Variants in RSPO2 observed in about 807,000 individuals in gnomAD.
The protein encoded by RSPO2 is R-spondin-2.
Under a neutral mutation model 30.9 loss-of-function variants are expected in RSPO2, and 14 were observed. The observed-to-expected ratio is 0.45, with a 90% CI of 0.30 to 0.71. The LOEUF is 0.71. Ranked by LOEUF, RSPO2 falls within the 30% of genes least tolerant of loss-of-function variation. RSPO2 has a pLI of 0.08. For missense variants in RSPO2, 264 were observed against 301.9 expected, an observed-to-expected ratio of 0.87 and a Z score of 0.93; for synonymous variants, 107 against 96.4, an observed-to-expected ratio of 1.11 and a Z score of -0.64.
chr8:107,915,735 G>A (rs1007543013), intron 5 of RSPO2, among the ~76,000 whole-genome samples: 1 of 152,084 alleles, frequency 6.6e-6, no homozygotes, highest in Non-Finnish European at 1.5e-5. Flanking sequence ...GCCTGTCTTG[G>A]GACGACTATC....
Position 107,958,195 on chromosome 8 carries a change from C to T in RSPO2, c.501G>A (p.Trp167Ter). Residue 167 changes from tryptophan (W) to a stop codon, truncating the protein, a stop_gained, in exon 5 of 6, where the codon TGG (tryptophan) becomes TGA (stop). Transcript: ENST00000276659. LOFTEE classifies it high-confidence loss of function. ...TTTGCCGTGTTCTGGTTTCCAGACC[C>T]CATTTAAATCCACATGTGCGATTAT... ...SRNNRTCGFK[W>*]GLETRTRQIV... The T allele has an allele frequency of 1.2e-6, 2 of 1,613,706 alleles. No homozygotes were observed. Among genetic ancestry groups the T allele is most frequent in the Non-Finnish European group, 1.7e-6 (2 of 1,179,720 alleles).
chr8:107,967,389 A>G (rs1215567884), intron 3 of RSPO2, among the ~76,000 whole-genome samples: 1 of 152,198 alleles, frequency 6.6e-6, no homozygotes, highest in Admixed American at 6.5e-5. Flanking sequence ...TATCAAAATC[A>G]TGCATTTCTA....
At chr8:107,911,695 G>A (rs576880174) in intron 5 of RSPO2, among the ~76,000 whole-genome samples, 4 of 152,114 alleles carry the variant, frequency 2.6e-5, no homozygotes, top group East Asian at 1.9e-4. Context: ...CTATTTTGCC[G>A]ATGAGGAAAT....
chr8:107,977,767 G>C (rs996065783), intron 3 of RSPO2, among the ~76,000 whole-genome samples: 4 of 152,058 alleles, frequency 2.6e-5, no homozygotes, highest in African/African-American at 9.7e-5. Flanking sequence ...AGATGATGTA[G>C]CAGTTTCACT....
At chr8:107,984,612 CAG>C (rs1814563883) in intron 3 of RSPO2, among the ~76,000 whole-genome samples, 1 of 152,126 alleles carries the variant, frequency 6.6e-6, no homozygotes, top group Non-Finnish European at 1.5e-5. Flanking sequence ...CATAATTAAT[CAG>C]GGTGCGTTTC....
intron 2 of RSPO2, among the ~76,000 whole-genome samples, chr8:108,071,091 C>T (rs1384777215): frequency 6.6e-6 from 1 of 152,124 alleles, no homozygotes; most frequent in Admixed American, 6.5e-5. Context: ...GCCTCCTGAA[C>T]AGTTATTCAT....
chr8:108,012,267 A>G (rs2130589138), intron 2 of RSPO2, among the ~76,000 whole-genome samples: 1 of 152,328 alleles, frequency 6.6e-6, no homozygotes, highest in Non-Finnish European at 1.5e-5. Flanking sequence ...TCAAACCTGC[A>G]GCATCAGCAT....
At chr8:108,056,675 A>G (rs1008317985) in intron 2 of RSPO2, among the ~76,000 whole-genome samples, 12 of 151,372 alleles carry the variant, frequency 7.9e-5, no homozygotes, top group Admixed American at 5.3e-4. Context: ...AAGAAAACCA[A>G]CACTATGCCT....
At chr8:108,003,955 G>T (rs1184831570) in intron 2 of RSPO2, among the ~76,000 whole-genome samples, 1 of 152,128 alleles carries the variant, frequency 6.6e-6, no homozygotes, top group Non-Finnish European at 1.5e-5. Context: ...TAAATTGCAA[G>T]AACTTTCTTT....
intron 3 of RSPO2, among the ~76,000 whole-genome samples, chr8:107,977,212 G>A (rs529565465): frequency 2.3e-4 from 35 of 152,260 alleles, no homozygotes; most frequent in South Asian, 1.0e-3. Context: ...ACTGAAACTC[G>A]TCTTCCATTA....
At chr8:108,080,199 G>T (rs1813150610) in intron 2 of RSPO2, among the ~76,000 whole-genome samples, 1 of 152,130 alleles carries the variant, frequency 6.6e-6, no homozygotes, top group Non-Finnish European at 1.5e-5. Context: ...TACACTGTCT[G>T]GCCAGCCCTT....
chr8:108,017,077 C>T (rs767752732), intron 2 of RSPO2, among the ~76,000 whole-genome samples: 3 of 151,012 alleles, frequency 2.0e-5, no homozygotes. Context: ...AGTGCAGTGG[C>T]GCGATCTCGG....
intron 2 of RSPO2, among the ~76,000 whole-genome samples, chr8:108,012,478 C>T (rs1810737948): frequency 6.6e-6 from 1 of 152,216 alleles, no homozygotes. Context: ...GGATAATCTG[C>T]ACCCAAAAAC....
In RSPO2 at chr8:108,039,768, G is replaced by A. The variant is rs75387972; in HGVS notation, c.94+42777C>T. 6.3e-3 allele frequency among the ~76,000 whole-genome samples: 964 copies of A among 151,980 alleles called. 13 individuals carry two copies. The highest frequency in any genetic ancestry group is 0.021 in the African/African-American group (874 of 41,478). ...ATGTATGCTTTGTTATAGACCAGAT[G>A]CTTGTGTCCCCTAAGTTCACATTCT... On this transcript the variant is annotated intron_variant, in intron 2 of 5. Coordinates refer to ENST00000276659, the MANE Select transcript of RSPO2 (RefSeq NM_178565.5).
chr8:107,988,598 C>T (rs1236946635), intron 3 of RSPO2, among the ~76,000 whole-genome samples: 1 of 152,072 alleles, frequency 6.6e-6, no homozygotes, highest in Non-Finnish European at 1.5e-5. Flanking sequence ...GTGCTCTTAT[C>T]CTACCATACT....
At chr8:107,961,893 C>A (rs77066271) in intron 3 of RSPO2, among the ~76,000 whole-genome samples, 4,492 of 152,260 alleles carry the variant, frequency 0.03, 251 homozygotes, top group African/African-American at 0.1. Flanking sequence ...AGATCACATT[C>A]CCTGGTAGGC....
chr8:108,036,910 C>T (rs1811616757), intron 2 of RSPO2, among the ~76,000 whole-genome samples: 1 of 152,184 alleles, frequency 6.6e-6, no homozygotes, highest in Non-Finnish European at 1.5e-5. Context: ...CCAAAAACTG[C>T]ACCCACATAA....
chr8:107,957,054 C>T (rs1327760925), intron 5 of RSPO2, among the ~76,000 whole-genome samples: 5 of 152,150 alleles, frequency 3.3e-5, no homozygotes, highest in African/African-American at 1.2e-4. Context: ...TTCTCAAAGG[C>T]CGACTGGAGT....
chr8:108,075,202 C>T (rs566191038), intron 2 of RSPO2, among the ~76,000 whole-genome samples: 4 of 152,208 alleles, frequency 2.6e-5, no homozygotes, highest in South Asian at 2.1e-4. Context: ...GGTTACCAGC[C>T]GGGCACGGTG....
Sources: gnomAD v4.1 joint callset for allele counts (sites outside exome capture counted in the v4.1 genomes callset) on GRCh38, gnomAD v4.1.1 for gene constraint, MANE v1.5 for transcripts, NCBI Gene and HGNC (gene_info 2026-07-23, HGNC 2026-07-21) for gene names.